SYT16: variants seen among roughly 807,000 people sequenced by gnomAD.
The protein encoded by SYT16 is synaptotagmin 16.
SYT16 carries 42 observed loss-of-function variants against 61.4 expected under a neutral mutation model. The observed-to-expected ratio is 0.68, with a 90% confidence interval of 0.53 to 0.89. The LOEUF is 0.89. SYT16 is among the 40% of genes least tolerant of loss of function. The pLI is 0.00. For synonymous variants in SYT16, 314 were observed against 302.3 expected (o/e 1.04, Z -0.40); for missense variants, 804 against 807.3 (o/e 1.00, Z 0.05).
At chr14:62,047,847 C>G (rs575724925) in intron 3 of SYT16, among the ~76,000 whole-genome samples, 1 of 152,296 alleles carries the variant, frequency 6.6e-6, no homozygotes, top group Admixed American at 6.5e-5. Context: ...GGTGGATAAG[C>G]TTTTTGATGT....
chr14:62,004,647 G>A (rs1044979412), intron 3 of SYT16, among the ~76,000 whole-genome samples: 4 of 152,102 alleles, frequency 2.6e-5, no homozygotes, highest in African/African-American at 7.2e-5. Flanking sequence ...AGAAATAATT[G>A]TCATTATTTT....
chr14:62,030,340 CAG>C (rs2054266709), intron 3 of SYT16, among the ~76,000 whole-genome samples: 1 of 152,154 alleles, frequency 6.6e-6, no homozygotes, highest in Non-Finnish European at 1.5e-5. Flanking sequence ...GTGTTTTAAA[CAG>C]AACTTACTCA....
At chr14:61,945,280 G>A (rs2140460175) in intron 1 of SYT16, among the ~76,000 whole-genome samples, 1 of 152,328 alleles carries the variant, frequency 6.6e-6, no homozygotes, top group East Asian at 1.9e-4. Context: ...TTTTTACACT[G>A]TTGGTGGGAG....
intron 3 of SYT16, among the ~76,000 whole-genome samples, chr14:62,039,875 A>ACG (rs1555374330): frequency 9.5e-5 from 10 of 105,380 alleles, no homozygotes; most frequent in Admixed American, 3.5e-4. Context: ...ACACACACAC[A>ACG]CACGCACATA....
At chr14:61,844,464 A>G (rs560328659) in intron 1 of SYT16, among the ~76,000 whole-genome samples, 1 of 152,118 alleles carries the variant, frequency 6.6e-6, no homozygotes, top group Admixed American at 6.5e-5. Context: ...TTGTGTTCCA[A>G]ATCTTACAGG....
At chr14:61,971,774 G>A (rs762658380) in intron 2 of SYT16, among the ~76,000 whole-genome samples, 6 of 152,190 alleles carry the variant, frequency 3.9e-5, no homozygotes, top group South Asian at 2.1e-4. Flanking sequence ...TCCTGCTATC[G>A]CAGTGGCCTT....
At chr14:62,003,909 G>A (rs2053120727) in intron 3 of SYT16, among the ~76,000 whole-genome samples, 1 of 152,146 alleles carries the variant, frequency 6.6e-6, no homozygotes, top group African/African-American at 2.4e-5. Context: ...AATTTAATAA[G>A]TGAATGAAAG....
chr14:61,900,427 G>A (rs954063714), intron 1 of SYT16, among the ~76,000 whole-genome samples: 1 of 152,130 alleles, frequency 6.6e-6, no homozygotes, highest in Non-Finnish European at 1.5e-5. Flanking sequence ...CAAAATGTTG[G>A]GATTACAGGT....
intron 1 of SYT16, among the ~76,000 whole-genome samples, chr14:61,956,443 G>C (rs1286170597): frequency 6.6e-6 from 1 of 151,936 alleles, no homozygotes; most frequent in African/African-American, 2.4e-5. Flanking sequence ...CAGGTCTTAT[G>C]TTTAAGTCAT....
chr14:62,081,980 C>T (rs73264242), intron 6 of SYT16, among the ~76,000 whole-genome samples: 8,670 of 152,206 alleles, frequency 0.057, 836 homozygotes, highest in African/African-American at 0.19. Flanking sequence ...ACTAAGCAGG[C>T]GATGCCTCTG....
chr14:62,006,169 TAA>T (rs1055427934), intron 3 of SYT16, among the ~76,000 whole-genome samples: 10 of 145,230 alleles, frequency 6.9e-5, no homozygotes, highest in African/African-American at 2.5e-4. Flanking sequence ...GTATGGGTGT[TAA>T]AACAGCTGTT....
intron 1 of SYT16, among the ~76,000 whole-genome samples, chr14:61,945,076 A>T (rs1331619281): frequency 4.6e-5 from 7 of 152,240 alleles, no homozygotes; most frequent in African/African-American, 1.7e-4. Context: ...TAAGCAAAGG[A>T]TATGAACAGA....
chr14:61,856,020 T>C (rs1449434995), intron 1 of SYT16, among the ~76,000 whole-genome samples: 1 of 151,608 alleles, frequency 6.6e-6, no homozygotes, highest in Non-Finnish European at 1.5e-5. Context: ...GAGCCAGGAG[T>C]GTATGTGGTG....
At position 62,082,656 on chromosome 14, in the gene SYT16, TTCTTAATA is replaced by T. The variant is rs1448748851; in HGVS notation, c.1434+1386_1434+1393del. ...TCAGCTCTGCTCAGATCTCCCTTTT[TTCTTAATA>T]TCTGAGTAAAGCACATCGGAAATGA... On this transcript the variant is annotated intron_variant, in intron 6 of 7. Coordinates refer to ENST00000683842, the MANE Select transcript of SYT16 (RefSeq NM_001367656.1). Among the ~76,000 whole-genome samples the T allele has an allele frequency of 2.0e-5, 3 of 152,326 alleles. No homozygotes were observed. The East Asian group carries it at 5.8e-4, about 29-fold the overall frequency.
At chr14:61,914,478 T>C (rs532326532) in intron 1 of SYT16, among the ~76,000 whole-genome samples, 1 of 152,194 alleles carries the variant, frequency 6.6e-6, no homozygotes, top group Non-Finnish European at 1.5e-5. Flanking sequence ...GCATTTTCAC[T>C]TAAGTGTCCA....
rs1266612154 is a variant in SYT16, at chr14:61,832,546, C to T, written c.-325+19736C>T. On this transcript the variant is annotated intron_variant, in intron 1 of 7. Coordinates refer to ENST00000683842, the MANE Select transcript of SYT16 (RefSeq NM_001367656.1). Reference sequence around the variant, plus strand: ...CCGCCTCCCGAGTTCAAGTGATTCTCCTGCCTCAGCCTCCCGAGTAGCTGG... The same window carrying T: ...CCGCCTCCCGAGTTCAAGTGATTCTTCTGCCTCAGCCTCCCGAGTAGCTGG... Among the ~76,000 whole-genome samples, 4 of 152,146 alleles carry T rather than the reference C, an allele frequency of 2.6e-5. No homozygotes were observed. In the East Asian group the frequency reaches 5.8e-4, roughly 22 times the overall value.
chr14:61,996,155 G>A lies in SYT16; in HGVS notation c.136G>A (p.Asp46Asn). Reference protein sequence around the residue: ...SASLVNISKQDSKLSDKLDQD... With the variant: ...SASLVNISKQNSKLSDKLDQD... ...TTCGCTGGTTAACATAAGCAAACAA[G>A]ACTCTAAATTGAGTGACAAACTAGA... is the stretch of plus-strand genomic sequence containing the variant. The change falls in exon 3 of 8, where the codon GAC (aspartate) becomes AAC (asparagine). Residue 46 changes from aspartate to asparagine, a missense_variant. Coordinates refer to ENST00000683842, the MANE Select transcript of SYT16 (RefSeq NM_001367656.1). The A allele has an allele frequency of 6.2e-7, 1 of 1,613,386 alleles. No homozygotes were observed. The highest frequency in any genetic ancestry group is 8.5e-7 in the Non-Finnish European group (1 of 1,179,562).
chr14:62,093,734 G>T (rs367880552), intron 7 of SYT16, among the ~76,000 whole-genome samples: 1 of 152,092 alleles, frequency 6.6e-6, no homozygotes, highest in Non-Finnish European at 1.5e-5. Flanking sequence ...AAAAAATTAC[G>T]ATTATCTCAA....
At position 61,820,633 on chromosome 14, in the gene SYT16, C is replaced by T. The variant is rs111308815; in HGVS notation, c.-325+7823C>T. ...AGTAGCTGGGATTACAAGTGCCTGC[C>T]ACCATGCCCAGCTAACTTTTGTATT... On this transcript the variant is annotated intron_variant, in intron 1 of 7. Coordinates refer to ENST00000683842, the MANE Select transcript of SYT16 (RefSeq NM_001367656.1). Among the ~76,000 whole-genome samples the T allele has an allele frequency of 8.3e-3, 1,263 of 152,102 alleles. 23 individuals are homozygous for T. Among genetic ancestry groups the T allele is most frequent in the African/African-American group, 0.029 (1,218 of 41,488 alleles).
Sources: allele counts gnomAD v4.1 joint callset (sites outside exome capture counted in the v4.1 genomes callset), GRCh38; gene constraint gnomAD v4.1.1; transcripts MANE v1.5; gene names NCBI Gene and HGNC (gene_info 2026-07-23, HGNC 2026-07-21).